SPOCK3: variants seen among roughly 807,000 people sequenced by gnomAD.
SPOCK3 encodes the protein SPARC (osteonectin), cwcv and kazal like domains proteoglycan 3.
SPOCK3 carries 30 observed loss-of-function variants against 56.6 expected under a neutral mutation model. The ratio of observed to expected loss-of-function variants is 0.53; its 90% CI spans 0.40 to 0.72. The LOEUF (loss-of-function observed/expected upper bound fraction) is 0.72, where lower values mean the gene tolerates loss of function less well. Among genes scored for constraint, SPOCK3 ranks in the 30% least tolerant of loss-of-function variants. The pLI, the probability that SPOCK3 is intolerant of heterozygous loss-of-function variation, is 0.00. For missense variants in SPOCK3, 527 were observed against 530.0 expected (o/e 0.99, Z 0.06); for synonymous variants, 196 against 183.3 (o/e 1.07, Z -0.56).
In SPOCK3 at chr4:167,215,011, T is replaced by C. The variant is rs571684583; in HGVS notation, c.189+18974A>G. Among the ~76,000 whole-genome samples the C allele has an allele frequency of 1.2e-4, 18 of 151,310 alleles. No homozygotes were observed. In the South Asian group the frequency reaches 3.3e-3, roughly 28 times the overall value. Reference sequence around the variant, plus strand: ...ATATATTTACTATATATATATTTACTGTAGTTCAAACATGATAGTAAAAAG... The same window carrying C: ...ATATATTTACTATATATATATTTACCGTAGTTCAAACATGATAGTAAAAAG... On this transcript the variant is annotated intron_variant, in intron 2 of 10. Transcript: ENST00000357545.
At chr4:167,054,195 C>T (rs1292371472) in intron 3 of SPOCK3, among the ~76,000 whole-genome samples, 1 of 152,192 alleles carries the variant, frequency 6.6e-6, no homozygotes, top group Non-Finnish European at 1.5e-5. Context: ...AGCAGATTCT[C>T]TGAGCAACTG....
chr4:167,064,174 A>AC (rs1249953556), intron 2 of SPOCK3, among the ~76,000 whole-genome samples: 3 of 151,786 alleles, frequency 2.0e-5, no homozygotes, highest in Non-Finnish European at 4.4e-5. Flanking sequence ...GTTAATCACT[A>AC]CCTTCTGTAA....
At chr4:167,185,170 C>A (rs1731838378) in intron 2 of SPOCK3, among the ~76,000 whole-genome samples, 1 of 152,136 alleles carries the variant, frequency 6.6e-6, no homozygotes, top group South Asian at 2.1e-4. Context: ...ATCTTAGGTT[C>A]TTAAACATTC....
chr4:167,083,414 C>A (rs1035053786), intron 2 of SPOCK3, among the ~76,000 whole-genome samples: 1 of 152,090 alleles, frequency 6.6e-6, no homozygotes, highest in African/African-American at 2.4e-5. Flanking sequence ...CTGGATGAAG[C>A]CCACTGACGT....
chr4:166,780,476 A>G (rs1175018809), intron 7 of SPOCK3, among the ~76,000 whole-genome samples: 1 of 152,144 alleles, frequency 6.6e-6, no homozygotes, highest in African/African-American at 2.4e-5. Flanking sequence ...CTGCTGTGGG[A>G]AAGGTATGAA....
intron 2 of SPOCK3, among the ~76,000 whole-genome samples, chr4:167,185,253 C>T (rs1731843752): frequency 6.6e-6 from 1 of 152,148 alleles, no homozygotes; most frequent in South Asian, 2.1e-4. Context: ...TTAGGAATCA[C>T]TTTTAACTAA....
chr4:166,902,879 A>T (rs1736206950), intron 5 of SPOCK3, among the ~76,000 whole-genome samples: 1 of 150,644 alleles, frequency 6.6e-6, no homozygotes, highest in South Asian at 2.1e-4. Flanking sequence ...ATATCTTTTT[A>T]AATGTTTAAA....
At chr4:167,060,457 T>G (rs1174197786) in intron 3 of SPOCK3, among the ~76,000 whole-genome samples, 1 of 152,056 alleles carries the variant, frequency 6.6e-6, no homozygotes, top group South Asian at 2.1e-4. Context: ...TGCTCACTCC[T>G]CAGTGTGGTC....
intron 6 of SPOCK3, among the ~76,000 whole-genome samples, chr4:166,839,122 C>G (rs551361506): frequency 1.3e-5 from 2 of 152,216 alleles, no homozygotes; most frequent in East Asian, 1.9e-4. Context: ...TTGTAAGACT[C>G]TGGATCTGAT....
chr4:166,902,831 T>G (rs1736201975), intron 5 of SPOCK3, among the ~76,000 whole-genome samples: 2 of 150,996 alleles, frequency 1.3e-5, no homozygotes, highest in African/African-American at 4.8e-5. Flanking sequence ...CTGAGTAATT[T>G]TTTCTGAAAT....
chr4:166,780,465 G>C (rs1740039442), intron 7 of SPOCK3, among the ~76,000 whole-genome samples: 1 of 152,082 alleles, frequency 6.6e-6, no homozygotes. Flanking sequence ...AGAAGCAGAA[G>C]CTGCTGTGGG....
At chr4:166,807,352 G>A (rs1224014664) in intron 6 of SPOCK3, among the ~76,000 whole-genome samples, 1 of 151,478 alleles carries the variant, frequency 6.6e-6, no homozygotes, top group African/African-American at 2.4e-5. Context: ...CTCAAGGTAC[G>A]ATGGATCATG....
intron 6 of SPOCK3, among the ~76,000 whole-genome samples, chr4:166,850,584 C>G (rs1249886279): frequency 6.6e-6 from 1 of 152,204 alleles, no homozygotes; most frequent in Non-Finnish European, 1.5e-5. Flanking sequence ...GAGTGCCAGA[C>G]AGCGGGGGCA....
intron 6 of SPOCK3, among the ~76,000 whole-genome samples, chr4:166,877,980 A>T (rs961430214): frequency 6.6e-6 from 1 of 152,140 alleles, no homozygotes; most frequent in Non-Finnish European, 1.5e-5. Flanking sequence ...CTACCAGGAA[A>T]GATATAAACA....
chr4:166,922,490 A>T (rs1482169131), intron 4 of SPOCK3, among the ~76,000 whole-genome samples: 1 of 152,112 alleles, frequency 6.6e-6, no homozygotes, highest in African/African-American at 2.4e-5. Context: ...CAATTCTAAC[A>T]ATCACCTATA....
chr4:166,934,331 T>TGC (rs1740128974), intron 4 of SPOCK3, among the ~76,000 whole-genome samples: 1 of 59,136 alleles, frequency 1.7e-5, no homozygotes, highest in South Asian at 8.1e-4. Flanking sequence ...TTACTAAAAA[T>TGC]ACAAAAAAAA....
intron 2 of SPOCK3, among the ~76,000 whole-genome samples, chr4:167,090,328 C>T (rs1758597010): frequency 6.6e-6 from 1 of 151,766 alleles, no homozygotes; most frequent in Admixed American, 6.6e-5. Flanking sequence ...TTGGGTCATT[C>T]TAATAATGTA....
intron 6 of SPOCK3, among the ~76,000 whole-genome samples, chr4:166,829,218 G>A (rs1049758400): frequency 2.6e-5 from 4 of 151,956 alleles, no homozygotes; most frequent in South Asian, 4.1e-4. Context: ...AACATGGCTC[G>A]ACACATCCAA....
intron 5 of SPOCK3, among the ~76,000 whole-genome samples, chr4:166,911,479 A>C (rs1392612720): frequency 6.6e-6 from 1 of 152,200 alleles, no homozygotes; most frequent in Non-Finnish European, 1.5e-5. Flanking sequence ...GATTTAATGT[A>C]TACTCTTTAA....
Sources: allele counts gnomAD v4.1 joint callset (sites outside exome capture counted in the v4.1 genomes callset), GRCh38; gene constraint gnomAD v4.1.1; transcripts MANE v1.5; gene names NCBI Gene and HGNC (gene_info 2026-07-23, HGNC 2026-07-21).